The following HDAC4 variants were observed in gnomAD, a reference collection of about 807,000 sequenced individuals.
HDAC4 encodes the protein histone deacetylase 4.
HDAC4 carries 16 observed loss-of-function variants against 135.1 expected under a neutral mutation model. That is an observed-to-expected ratio of 0.12 (90% CI 0.08 to 0.18). HDAC4 has a LOEUF of 0.18. Ranked by LOEUF, HDAC4 falls within the 10% of genes least tolerant of loss-of-function variation. HDAC4 has a pLI of 1.00. For missense variants in HDAC4, 1,143 were observed against 1,511.8 expected, an observed-to-expected ratio of 0.76 and a Z score of 4.05; for synonymous variants, 685 against 653.4, an observed-to-expected ratio of 1.05 and a Z score of -0.74.
At chr2:239,360,863 G>A (rs1244355726) in intron 1 of HDAC4, among the ~76,000 whole-genome samples, 1 of 152,156 alleles carries the variant, frequency 6.6e-6, no homozygotes, top group African/African-American at 2.4e-5. Context: ...GGAGTTCATC[G>A]GCATCCCTGG....
chr2:239,156,624 C>T (rs780893418), intron 7 of HDAC4, 28 bp downstream of exon 7: 9 of 1,613,930 alleles, frequency 5.6e-6, no homozygotes, highest in African/African-American at 1.3e-5. Context: ...AGGAGACCTC[C>T]CGGCCCACAG....
intron 2 of HDAC4, among the ~76,000 whole-genome samples, chr2:239,348,306 C>T (rs1343142481): frequency 1.3e-5 from 2 of 152,066 alleles, no homozygotes; most frequent in African/African-American, 4.8e-5. Context: ...CCCAGCAAAT[C>T]CACTGCGGGG....
intron 18 of HDAC4, chr2:239,089,619 G>C (rs1263440538): frequency 5.4e-6 from 1 of 183,668 alleles, no homozygotes; most frequent in East Asian, 1.5e-4. Flanking sequence ...GAGCCACTGT[G>C]CCCGGTCGCT....
At chr2:239,133,597 G>C (rs1315687276) in intron 11 of HDAC4, among the ~76,000 whole-genome samples, 1 of 152,144 alleles carries the variant, frequency 6.6e-6, no homozygotes, top group African/African-American at 2.4e-5. Flanking sequence ...CTCCCAAGTA[G>C]CTGGGATTAC....
At chr2:239,268,047 G>C (rs1288128343) in intron 2 of HDAC4, among the ~76,000 whole-genome samples, 1 of 152,236 alleles carries the variant, frequency 6.6e-6, no homozygotes, top group African/African-American at 2.4e-5. Context: ...GTCCAAATTA[G>C]GTCAAAGAGT....
chr2:239,281,543 T>C (rs1326188319), intron 2 of HDAC4, among the ~76,000 whole-genome samples: 1 of 137,144 alleles, frequency 7.3e-6, no homozygotes, highest in African/African-American at 2.8e-5. Flanking sequence ...AACACACCAC[T>C]CTACACACAA....
chr2:239,137,934 T>C (rs1449066935), intron 9 of HDAC4, among the ~76,000 whole-genome samples: 1 of 152,236 alleles, frequency 6.6e-6, no homozygotes, highest in Admixed American at 6.5e-5. Context: ...TATCGTGATT[T>C]CTAAAAATTA....
chr2:239,172,715 A>G lies in HDAC4; in HGVS notation c.490+3698T>C, dbSNP rs117349248. 7.4e-4 allele frequency among the ~76,000 whole-genome samples: 112 copies of G among 152,256 alleles called. 1 individual carries two copies. The East Asian group carries it at 0.012, about 16-fold the overall frequency. On this transcript the variant is annotated intron_variant, in intron 5 of 26. Coordinates refer to ENST00000543185, the MANE Select transcript of HDAC4 (RefSeq NM_001378414.1). ...AGTCAAAAGCTAGTCTTTGAAAAGA[A>G]TAACTGATAAACTTCTGGAGAGAGT...
chr2:239,152,431 G>T (rs1228207834), intron 7 of HDAC4, among the ~76,000 whole-genome samples: 1 of 152,238 alleles, frequency 6.6e-6, no homozygotes. Context: ...CCTCACCCTG[G>T]GCCGAAATCT....
intron 7 of HDAC4, among the ~76,000 whole-genome samples, chr2:239,151,222 G>A (rs2042097869): frequency 6.6e-6 from 1 of 152,228 alleles, no homozygotes; most frequent in Non-Finnish European, 1.5e-5. Context: ...CGAAAGCCAT[G>A]AGCCTATTGA....
At chr2:239,162,566 G>T (rs185075577) in intron 6 of HDAC4, among the ~76,000 whole-genome samples, 25 of 152,338 alleles carry the variant, frequency 1.6e-4, no homozygotes, top group Admixed American at 1.6e-3. Flanking sequence ...GGTTGCCAGC[G>T]ATTCTCAGGA....
intron 2 of HDAC4, among the ~76,000 whole-genome samples, chr2:239,267,701 A>G (rs1033542684): frequency 1.3e-5 from 2 of 152,276 alleles, no homozygotes; most frequent in Non-Finnish European, 2.9e-5. Context: ...CTACACGGCA[A>G]TGGGGACTCA....
intron 20 of HDAC4, among the ~76,000 whole-genome samples, chr2:239,083,615 G>A (rs2035570377): frequency 6.6e-6 from 1 of 152,168 alleles, no homozygotes; most frequent in South Asian, 2.1e-4. Context: ...TTAATTTCCG[G>A]TATAAGAATG....
At chr2:239,080,886 G>A (rs2035249211) in intron 22 of HDAC4, 1 of 585,242 alleles carries the variant, frequency 1.7e-6, no homozygotes, top group African/African-American at 1.9e-5. Context: ...TGCACAAAAG[G>A]GAGCACTAAG....
At chr2:239,371,075 C>T (rs923192558) in intron 1 of HDAC4, among the ~76,000 whole-genome samples, 1 of 152,218 alleles carries the variant, frequency 6.6e-6, no homozygotes, top group Non-Finnish European at 1.5e-5. Flanking sequence ...AGGGCAGGCC[C>T]CAGCTGGGAC....
intron 2 of HDAC4, among the ~76,000 whole-genome samples, chr2:239,316,677 G>A (rs996892665): frequency 2.0e-5 from 3 of 152,108 alleles, no homozygotes; most frequent in East Asian, 1.9e-4. Context: ...CAGACGTGGC[G>A]TGGTTTCCAG....
rs924136958 is a variant in HDAC4, at chr2:239,240,995, C to T, written c.23-4331G>A. Among the ~76,000 whole-genome samples the T allele has an allele frequency of 6.6e-6, 1 of 152,158 alleles. No homozygotes were observed. The highest frequency in any genetic ancestry group is 1.5e-5 in the Non-Finnish European group (1 of 68,030). ...GGAACCTCACTTTCACCCGGAGGGC[C>T]CAGGCCCCCCACTTCACACTTGGGG... is the stretch of plus-strand genomic sequence containing the variant. On this transcript the variant is annotated intron_variant, in intron 2 of 26. Coordinates refer to ENST00000543185, the MANE Select transcript of HDAC4 (RefSeq NM_001378414.1). The surrounding 1 kb of genome is among the most constrained non-coding windows in gnomAD (Gnocchi z 4.5).
At chr2:239,369,454 CCAAGCAT>C (rs942741759) in intron 1 of HDAC4, among the ~76,000 whole-genome samples, 5 of 152,222 alleles carry the variant, frequency 3.3e-5, no homozygotes, top group African/African-American at 7.2e-5. Flanking sequence ...GGTTGGTTTC[CCAAGCAT>C]GTGAGCGAAA....
chr2:239,346,860 C>G (rs1692729149), intron 2 of HDAC4, among the ~76,000 whole-genome samples: 1 of 150,070 alleles, frequency 6.7e-6, no homozygotes, highest in African/African-American at 2.5e-5. Flanking sequence ...CACACACACC[C>G]TATCTAAAAC....
Sources: allele counts gnomAD v4.1 joint callset (sites outside exome capture counted in the v4.1 genomes callset), GRCh38; gene constraint gnomAD v4.1.1; non-coding constraint Gnocchi (gnomAD v3.1); transcripts MANE v1.5; gene names NCBI Gene and HGNC (gene_info 2026-07-23, HGNC 2026-07-21).